The following TMOD3 variants were observed in gnomAD, a reference collection of about 807,000 sequenced individuals.
TMOD3 encodes the protein tropomodulin-3.
TMOD3 carries 20 observed loss-of-function variants against 39.2 expected under a neutral mutation model. The ratio of observed to expected loss-of-function variants is 0.51; its 90% CI spans 0.36 to 0.74. The LOEUF is 0.74. Ranked by LOEUF, TMOD3 falls within the 30% of genes least tolerant of loss-of-function variation. The probability of loss-of-function intolerance (pLI) is 0.00; values close to 1 mark genes in which losing one functional copy is unlikely to be tolerated. For missense variants in TMOD3, 381 were observed against 412.8 expected, an observed-to-expected ratio of 0.92 and a Z score of 0.67; for synonymous variants, 143 against 145.8, an observed-to-expected ratio of 0.98 and a Z score of 0.14.
chr15:51,871,685 A>C (rs1211424131), intron 3 of TMOD3, among the ~76,000 whole-genome samples: 1 of 152,210 alleles, frequency 6.6e-6, no homozygotes, highest in Non-Finnish European at 1.5e-5. Flanking sequence ...GAATTACGGA[A>C]AATAAGAAAA....
intron 3 of TMOD3, among the ~76,000 whole-genome samples, chr15:51,883,010 T>C (rs956459678): frequency 4.6e-5 from 7 of 152,318 alleles, no homozygotes; most frequent in Middle Eastern, 3.4e-3. Flanking sequence ...AGATAACTTA[T>C]TACAGTGTAT....
At chr15:51,853,432 C>G (rs1007400504) in intron 1 of TMOD3, among the ~76,000 whole-genome samples, 1 of 152,186 alleles carries the variant, frequency 6.6e-6, no homozygotes, top group African/African-American at 2.4e-5. Context: ...AACTCCTGGA[C>G]TTAAGCGATC....
At chr15:51,847,735 C>A (rs542654362) in intron 1 of TMOD3, among the ~76,000 whole-genome samples, 13 of 152,270 alleles carry the variant, frequency 8.5e-5, no homozygotes, top group Non-Finnish European at 1.5e-4. Flanking sequence ...CAAAGCAAGA[C>A]CCCATCTCTA....
chr15:51,902,340 A>T (rs993844237), intron 9 of TMOD3, among the ~76,000 whole-genome samples: 4 of 152,254 alleles, frequency 2.6e-5, no homozygotes, highest in Non-Finnish European at 5.9e-5. Context: ...TGAAACAAAG[A>T]TTTCAACATT....
At chr15:51,893,683 T>A in intron 5 of TMOD3, 132 bp from the exon 6 acceptor site, 3 of 794,488 alleles carry the variant, frequency 3.8e-6, no homozygotes, top group Non-Finnish European at 5.2e-6. Flanking sequence ...GAGAATGGCT[T>A]GAACCCGGGA....
At chr15:51,885,722 CCTT>C (rs1297420495) in intron 3 of TMOD3, among the ~76,000 whole-genome samples, 2 of 152,246 alleles carry the variant, frequency 1.3e-5, no homozygotes, top group Non-Finnish European at 2.9e-5. Context: ...TCCGATTTCT[CCTT>C]CTTTTCCCCA....
chr15:51,883,310 T>TG lies in TMOD3; in HGVS notation c.284-4273dup, dbSNP rs537067888. Among the ~76,000 whole-genome samples, 312 of 152,196 alleles carry TG rather than the reference T, an allele frequency of 2.0e-3. 2 individuals are homozygous for TG. Among genetic ancestry groups the TG allele is most frequent in the Admixed American group, 5.6e-3 (86 of 15,280 alleles). On this transcript the variant is annotated intron_variant, in intron 3 of 9. Transcript: ENST00000308580. ...GTAAGCATTAGCAAAAATTTATATA[T>TG]GGGGGGAAATTAGGTACGAATAATG...
rs369387500 is a variant in TMOD3 at position 51,862,875 on chromosome 15, C to T, written c.-10C>T. On this transcript the variant is annotated 5_prime_UTR_variant, in exon 2 of 10. Transcript: ENST00000308580. ...CAGCAAAAATTAAGTGACTTGCTGC[C>T]CTGCACATCATGGCACTGCCATTCC... is the stretch of plus-strand genomic sequence containing the variant. 35 of 1,611,018 alleles carry T rather than the reference C, an allele frequency of 2.2e-5. No individual in the cohort carries two copies. Among genetic ancestry groups the T allele is most frequent in the Non-Finnish European group, 2.6e-5 (31 of 1,178,966 alleles).
rs140037676 is a variant in TMOD3, at chr15:51,893,218, G to A, written c.497-597G>A. Among the ~76,000 whole-genome samples, 1,029 of 138,854 alleles carry A rather than the reference G, an allele frequency of 7.4e-3. 6 individuals carry two copies. The highest frequency in any genetic ancestry group is 0.015 in the Admixed American group (200 of 13,062). The allele number at this position is 138,854 out of a possible 152,430, so 91.1% of individuals were successfully genotyped here. ...GCTGAGGCAGGAGAGTTGCTTGAAC[G>A]TGGGAGGAGGAGGTCGCAGTGAGCC... On this transcript the variant is annotated intron_variant, in intron 5 of 9. Coordinates refer to ENST00000308580, the MANE Select transcript of TMOD3 (RefSeq NM_014547.5).
Position 51,896,482 on chromosome 15 carries a change from T to C in TMOD3, c.691T>C (p.Cys231Arg), listed in dbSNP as rs747776099. The C allele has an allele frequency of 8.1e-5, 130 of 1,613,674 alleles. No homozygotes were observed. Among genetic ancestry groups the C allele is most frequent in the Non-Finnish European group, 1.1e-4 (128 of 1,179,788 alleles). The change falls in exon 7 of 10, where the codon TGT (cysteine) becomes CGT (arginine). Residue 231 changes from cysteine (C) to arginine (R), a missense_variant. Transcript: ENST00000308580. Reference sequence around the variant, plus strand: ...TTTGGAAACCAACACACATGTGAAATGTTTCAGTCTTGCAGCCACCCGGAG... The same window carrying C: ...TTTGGAAACCAACACACATGTGAAACGTTTCAGTCTTGCAGCCACCCGGAG... ...KALETNTHVK[C>R]FSLAATRSND... is the part of the protein sequence containing the mutation.
intron 3 of TMOD3, among the ~76,000 whole-genome samples, chr15:51,871,491 G>A (rs750788472): frequency 2.4e-4 from 36 of 152,158 alleles, no homozygotes; most frequent in Non-Finnish European, 4.0e-4. Flanking sequence ...GTGAGAAAAA[G>A]AGATGTCAGA....
chr15:51,872,600 G>GTTTT (rs58973705), intron 3 of TMOD3, among the ~76,000 whole-genome samples: 43,080 of 128,766 alleles, frequency 0.33, 7,439 homozygotes, highest in Non-Finnish European at 0.4. Flanking sequence ...GACCAAATTT[G>GTTTT]TTTTTTTTTT....
intron 1 of TMOD3, among the ~76,000 whole-genome samples, chr15:51,851,141 G>C (rs2623246): frequency 0.049 from 7,489 of 152,168 alleles, 430 homozygotes; most frequent in African/African-American, 0.12. Flanking sequence ...AAGGACTGCT[G>C]GGGGGTGATA....
chr15:51,869,379 C>T lies in TMOD3; in HGVS notation c.283+6C>T. 1.2e-6 allele frequency: 2 copies of T among 1,609,046 alleles called. No individual in the cohort carries two copies. The highest frequency in any genetic ancestry group is 2.2e-5 in the South Asian group (2 of 89,604). Reference sequence around the variant, plus strand: ...CTACACTGGAGAAAAAAAAGGTAAGCCCCAGAATTTTAAAGTCATTATGTG... The same window carrying T: ...CTACACTGGAGAAAAAAAAGGTAAGTCCCAGAATTTTAAAGTCATTATGTG... On this transcript the variant is annotated splice_donor_region_variant and intron_variant, in intron 3 of 9. Coordinates refer to ENST00000308580, the MANE Select transcript of TMOD3 (RefSeq NM_014547.5).
chr15:51,881,550 CTTTTTTTT>C (rs753814979), intron 3 of TMOD3, among the ~76,000 whole-genome samples: 3 of 61,828 alleles, frequency 4.9e-5, no homozygotes, highest in Non-Finnish European at 9.0e-5. Flanking sequence ...TTCTTTATTT[CTTTTTTTT>C]TTTTTTTTTT....
In TMOD3 at chr15:51,853,042, A is replaced by G. The variant is rs187132263; in HGVS notation, c.-74-9769A>G. On this transcript the variant is annotated intron_variant, in intron 1 of 9. Transcript: ENST00000308580. Reference sequence around the variant, plus strand: ...ATCTCTTAAAAACTGGCATGTAGCAACCATACTCATAAAAAAGACTTATAC... The same window carrying G: ...ATCTCTTAAAAACTGGCATGTAGCAGCCATACTCATAAAAAAGACTTATAC... Among the ~76,000 whole-genome samples the G allele has an allele frequency of 2.5e-3, 385 of 152,334 alleles. 10 individuals are homozygous for G. Among genetic ancestry groups the G allele is most frequent in the Non-Finnish European group, 4.4e-4 (30 of 68,040 alleles).
chr15:51,866,175 C>T (rs2056444528), intron 2 of TMOD3, among the ~76,000 whole-genome samples: 1 of 152,018 alleles, frequency 6.6e-6, no homozygotes, highest in African/African-American at 2.4e-5. Flanking sequence ...CTGTTTTTGG[C>T]CGGGTATAGT....
At chr15:51,888,412 G>C (rs975099443) in intron 4 of TMOD3, among the ~76,000 whole-genome samples, 3 of 152,206 alleles carry the variant, frequency 2.0e-5, no homozygotes, top group African/African-American at 4.8e-5. Flanking sequence ...AGTCTTACGG[G>C]TTGAGGGACT....
intron 2 of TMOD3, among the ~76,000 whole-genome samples, chr15:51,868,496 T>G (rs572465036): frequency 6.6e-6 from 1 of 152,306 alleles, no homozygotes; most frequent in East Asian, 1.9e-4. Context: ...GTCCTTGTGT[T>G]CTCATCACTT....
Sources: allele counts gnomAD v4.1 joint callset (sites outside exome capture counted in the v4.1 genomes callset), GRCh38; gene constraint gnomAD v4.1.1; transcripts MANE v1.5; gene names NCBI Gene and HGNC (gene_info 2026-07-23, HGNC 2026-07-21).